The following RNGTT variants were observed in gnomAD, a reference collection of about 807,000 sequenced individuals.
The protein encoded by RNGTT is mRNA-capping enzyme.
In RNGTT, 33 loss-of-function variants were observed where a neutral mutation model predicts 79.3. That is an observed-to-expected ratio of 0.42 (90% CI 0.32 to 0.56). The LOEUF is 0.56. Among genes scored for constraint, RNGTT ranks in the 20% least tolerant of loss-of-function variants. The pLI is 0.17. For synonymous variants in RNGTT, 222 were observed against 235.9 expected, an observed-to-expected ratio of 0.94 and a Z score of 0.54; for missense variants, 497 against 739.1, an observed-to-expected ratio of 0.67 and a Z score of 3.80.
At chr6:88,771,315 G>GTGTGTGTGTATATATATATA (rs1303688973) in intron 12 of RNGTT, among the ~76,000 whole-genome samples, 1 of 62,076 alleles carries the variant, frequency 1.6e-5, no homozygotes, top group African/African-American at 6.6e-5. Flanking sequence ...GTGTGTGTGT[G>GTGTGTGTGTATATATATATA]TATATATATA....
At position 88,906,376 on chromosome 6, in the gene RNGTT, T is replaced by C. The variant is rs761999965; in HGVS notation, c.432A>G (p.Lys144=). Residue 144 remains lysine (K), a synonymous_variant, in exon 5 of 16, where the codon AAA becomes AAG. Transcript: ENST00000369485. ...GFLICAFLVE[K]MDWSIEAAVA... is the part of the protein sequence containing the mutation. ...CAAGATACAAATACCTCCAATCCAT[T>C]TTCTCCACCAAAAAGGCACATATGA... 2 of 1,592,918 alleles carry C rather than the reference T, an allele frequency of 1.3e-6. No homozygotes were observed. Among genetic ancestry groups the C allele is most frequent in the African/African-American group, 2.7e-5 (2 of 74,136 alleles).
chr6:88,748,753 G>A lies in RNGTT; in HGVS notation c.1439+21021C>T, dbSNP rs145376753. Reference sequence around the variant, plus strand: ...TAACCAATTAATCAAGTGAAATGCCGGAAGCAAAGAAGAAAAAAAATGGGG... The same window carrying A: ...TAACCAATTAATCAAGTGAAATGCCAGAAGCAAAGAAGAAAAAAAATGGGG... On this transcript the variant is annotated intron_variant, in intron 13 of 15. Transcript: ENST00000369485. Among the ~76,000 whole-genome samples the A allele has an allele frequency of 5.6e-3, 847 of 151,688 alleles. 6 individuals carry two copies. Among genetic ancestry groups the A allele is most frequent in the African/African-American group, 0.018 (762 of 41,326 alleles).
chr6:88,950,860 G>T (rs201857281), intron 1 of RNGTT, among the ~76,000 whole-genome samples: 2 of 135,858 alleles, frequency 1.5e-5, no homozygotes, highest in African/African-American at 5.3e-5. Context: ...AACTGTTTTT[G>T]GTTTTTTTTT....
intron 13 of RNGTT, among the ~76,000 whole-genome samples, chr6:88,689,432 A>G (rs1423307109): frequency 1.3e-5 from 2 of 152,054 alleles, no homozygotes; most frequent in Admixed American, 1.3e-4. Context: ...CGTCTCTACT[A>G]AAAATACAAA....
intron 8 of RNGTT, among the ~76,000 whole-genome samples, chr6:88,872,341 C>A (rs1430557249): frequency 2.0e-5 from 3 of 151,986 alleles, no homozygotes; most frequent in Non-Finnish European, 4.4e-5. Context: ...GGAAGTGGAC[C>A]CTTGAAATGA....
intron 13 of RNGTT, among the ~76,000 whole-genome samples, chr6:88,768,718 T>A (rs1230064253): frequency 6.6e-6 from 1 of 152,236 alleles, no homozygotes; most frequent in Non-Finnish European, 1.5e-5. Context: ...AAGGATTTCT[T>A]ATTTTGTTGT....
intron 14 of RNGTT, among the ~76,000 whole-genome samples, chr6:88,635,603 T>C (rs1773070212): frequency 6.6e-6 from 1 of 152,100 alleles, no homozygotes; most frequent in South Asian, 2.1e-4. Context: ...TTTGTATGTA[T>C]GTGATTATTC....
chr6:88,882,617 T>C (rs1199020553), intron 8 of RNGTT, among the ~76,000 whole-genome samples: 2 of 152,234 alleles, frequency 1.3e-5, no homozygotes, highest in Non-Finnish European at 2.9e-5. Flanking sequence ...TGAAAATTCA[T>C]GGTGAAACTT....
chr6:88,734,833 A>G (rs966719648), intron 13 of RNGTT, among the ~76,000 whole-genome samples: 1 of 152,198 alleles, frequency 6.6e-6, no homozygotes, highest in African/African-American at 2.4e-5. Flanking sequence ...TAGTCGACAC[A>G]TTATAAAACA....
At chr6:88,864,808 G>A (rs1431129879) in intron 8 of RNGTT, among the ~76,000 whole-genome samples, 2 of 152,098 alleles carry the variant, frequency 1.3e-5, no homozygotes, top group African/African-American at 2.4e-5. Context: ...TGAAACTTGA[G>A]GGCATTATGC....
At position 88,739,730 on chromosome 6, in the gene RNGTT, TATATA is replaced by T. The variant is rs1777409649; in HGVS notation, c.1439+30039_1439+30043del. Among the ~76,000 whole-genome samples, 19 of 12,532 alleles carry T rather than the reference TATATA, an allele frequency of 1.5e-3. 1 individual carries two copies. The highest frequency in any genetic ancestry group is 4.5e-3 in the African/African-American group (18 of 4,026). 8.2% of individuals were successfully genotyped at this position (12,532 alleles called of 152,430 possible). On this transcript the variant is annotated intron_variant, in intron 13 of 15. Coordinates refer to ENST00000369485, the MANE Select transcript of RNGTT (RefSeq NM_003800.5). ...TGTAACTGGTGTGAAAAAAATTATA[TATATA>T]TATATATATATATATATATATATAT...
intron 13 of RNGTT, among the ~76,000 whole-genome samples, chr6:88,702,472 T>G (rs1231641568): frequency 6.6e-6 from 1 of 152,168 alleles, no homozygotes. Flanking sequence ...GGACTCCCTA[T>G]TCAATATATT....
chr6:88,910,345 C>T (rs1365912675), intron 4 of RNGTT, among the ~76,000 whole-genome samples: 1 of 152,082 alleles, frequency 6.6e-6, no homozygotes. Flanking sequence ...TCTTAACAAC[C>T]GGCCTTATAA....
intron 14 of RNGTT, among the ~76,000 whole-genome samples, chr6:88,665,404 G>C (rs986952087): frequency 6.6e-6 from 1 of 152,110 alleles, no homozygotes; most frequent in Non-Finnish European, 1.5e-5. Context: ...ATAGTGCCTT[G>C]TCAGTCTCCA....
chr6:88,961,456 A>C (rs1406727893), intron 1 of RNGTT, among the ~76,000 whole-genome samples: 5 of 147,292 alleles, frequency 3.4e-5, no homozygotes, highest in Non-Finnish European at 1.5e-5. Flanking sequence ...TTTTTTTTTG[A>C]GATGGAGTCT....
chr6:88,657,972 G>C (rs918995752), intron 14 of RNGTT, among the ~76,000 whole-genome samples: 1 of 152,016 alleles, frequency 6.6e-6, no homozygotes, highest in East Asian at 1.9e-4. Flanking sequence ...TTCTCTACCC[G>C]CCCTGGTAGG....
chr6:88,790,464 T>A (rs1779371382), intron 12 of RNGTT, among the ~76,000 whole-genome samples: 1 of 152,072 alleles, frequency 6.6e-6, no homozygotes, highest in Non-Finnish European at 1.5e-5. Context: ...AACTGCAAGG[T>A]TAAGTGAAAG....
At chr6:88,884,486 GT>G (rs571247690) in intron 8 of RNGTT, among the ~76,000 whole-genome samples, 10 of 152,080 alleles carry the variant, frequency 6.6e-5, no homozygotes, top group Non-Finnish European at 1.5e-4. Flanking sequence ...TGCAAGAAGG[GT>G]AAATCAGAAA....
chr6:88,949,899 A>C (rs1234913010), intron 1 of RNGTT, among the ~76,000 whole-genome samples: 2 of 152,240 alleles, frequency 1.3e-5, no homozygotes, highest in African/African-American at 4.8e-5. Flanking sequence ...AGTGTAGACA[A>C]AACAGCCTTC....
Sources: gnomAD v4.1 joint callset for allele counts (sites outside exome capture counted in the v4.1 genomes callset) on GRCh38, gnomAD v4.1.1 for gene constraint, MANE v1.5 for transcripts, NCBI Gene and HGNC (gene_info 2026-07-23, HGNC 2026-07-21) for gene names.